TENM3: variants seen among roughly 807,000 people sequenced by gnomAD.
TENM3 encodes teneurin-3.
In TENM3, 63 loss-of-function variants were observed where a neutral mutation model predicts 255.1. The ratio of observed to expected loss-of-function variants is 0.25; its 90% CI spans 0.20 to 0.30. TENM3 has a LOEUF of 0.30. Ranked by LOEUF, TENM3 falls within the 10% of genes least tolerant of loss-of-function variation. The pLI is 1.00. For synonymous variants in TENM3, 1,306 were observed against 1,322.3 expected, an observed-to-expected ratio of 0.99 and a Z score of 0.27; for missense variants, 2,929 against 3,461.1, an observed-to-expected ratio of 0.85 and a Z score of 3.86.
the TENM3 span, among the ~76,000 whole-genome samples, chr4:181,894,443 T>A: frequency 1.6e-4 from 25 of 152,206 alleles, no homozygotes; most frequent in East Asian, 4.2e-3. Context: ...CCAAAATAGT[T>A]CTCTATTATT....
At chr4:182,476,864 T>C (rs1367167168) in intron 3 of TENM3, among the ~76,000 whole-genome samples, 2 of 152,174 alleles carry the variant, frequency 1.3e-5, no homozygotes, top group Non-Finnish European at 2.9e-5. Flanking sequence ...CATACTTGAA[T>C]CTTCAGAAAG....
intron 3 of TENM3, among the ~76,000 whole-genome samples, chr4:182,473,410 A>C (rs963323037): frequency 2.6e-5 from 4 of 152,352 alleles, no homozygotes; most frequent in African/African-American, 7.2e-5. Context: ...GCCGTGGCTC[A>C]TGCCTGTAAT....
the TENM3 span, among the ~76,000 whole-genome samples, chr4:181,460,140 A>G: frequency 8.6e-5 from 13 of 151,966 alleles, no homozygotes; most frequent in Non-Finnish European, 1.8e-4. Context: ...TAGAAATACA[A>G]TTGACATTTG....
intron 1 of TENM3, among the ~76,000 whole-genome samples, chr4:182,217,587 C>G (rs575665253): frequency 2.6e-5 from 4 of 152,066 alleles, no homozygotes; most frequent in African/African-American, 9.7e-5. Flanking sequence ...TTCGCATAAC[C>G]CTTCTGTGAG....
chr4:181,972,452 A>AAC, the TENM3 span, among the ~76,000 whole-genome samples: 1 of 151,612 alleles, frequency 6.6e-6, no homozygotes, highest in African/African-American at 2.4e-5. Flanking sequence ...AAAAAAAAAA[A>AAC]AAAATTCAAA....
intron 3 of TENM3, among the ~76,000 whole-genome samples, chr4:182,437,378 G>A (rs1467334238): frequency 2.0e-5 from 3 of 152,172 alleles, no homozygotes; most frequent in East Asian, 1.9e-4. Flanking sequence ...GCCAGCCATC[G>A]TTGCTCACTC....
chr4:182,003,109 T>C, the TENM3 span, among the ~76,000 whole-genome samples: 2 of 152,142 alleles, frequency 1.3e-5, no homozygotes, highest in East Asian at 1.9e-4. Flanking sequence ...ATGCACAGCA[T>C]GCAGGTAAGT....
the TENM3 span, among the ~76,000 whole-genome samples, chr4:181,459,838 T>A: frequency 2.0e-5 from 3 of 151,962 alleles, no homozygotes; most frequent in Non-Finnish European, 4.4e-5. Flanking sequence ...AATCTTCTTT[T>A]TAACCTCAAA....
the TENM3 span, among the ~76,000 whole-genome samples, chr4:181,471,535 A>G: frequency 2.0e-5 from 3 of 152,280 alleles, no homozygotes; most frequent in South Asian, 2.1e-4. Flanking sequence ...AGAGAAAGAA[A>G]GAAACCAATA....
chr4:182,567,574 G>A (rs115729409), intron 3 of TENM3, among the ~76,000 whole-genome samples: 195 of 152,014 alleles, frequency 1.3e-3, no homozygotes, highest in African/African-American at 4.5e-3. Flanking sequence ...AATATATCTG[G>A]CATGGTCTTA....
chr4:182,762,440 C>T (rs566493403), intron 22 of TENM3, among the ~76,000 whole-genome samples: 2 of 108,910 alleles, frequency 1.8e-5, no homozygotes, highest in Admixed American at 1.8e-4. Context: ...CCATTTAAAA[C>T]GATTGATAAT....
intron 3 of TENM3, among the ~76,000 whole-genome samples, chr4:182,354,878 G>A (rs1001960709): frequency 6.6e-6 from 1 of 152,144 alleles, no homozygotes; most frequent in African/African-American, 2.4e-5. Flanking sequence ...GTAACTTATT[G>A]AATAGATTTC....
intron 1 of TENM3, among the ~76,000 whole-genome samples, chr4:182,171,879 G>A (rs894968859): frequency 6.6e-6 from 1 of 151,636 alleles, no homozygotes; most frequent in African/African-American, 2.4e-5. Flanking sequence ...GGTTTACTAC[G>A]AATATATAGA....
At chr4:182,512,494 T>C (rs1737510823) in intron 3 of TENM3, among the ~76,000 whole-genome samples, 2 of 152,198 alleles carry the variant, frequency 1.3e-5, no homozygotes, top group African/African-American at 4.8e-5. Flanking sequence ...CACATTACCT[T>C]ACCAAAATAG....
chr4:181,986,803 T>C, the TENM3 span, among the ~76,000 whole-genome samples: 14 of 152,214 alleles, frequency 9.2e-5, no homozygotes, highest in South Asian at 2.9e-3. Context: ...GGAAATTATA[T>C]GCAGCCATTA....
chr4:182,601,768 A>G (rs1025104857), intron 4 of TENM3, among the ~76,000 whole-genome samples: 3 of 152,224 alleles, frequency 2.0e-5, no homozygotes, highest in Admixed American at 6.5e-5. Flanking sequence ...GTTTTTCCCT[A>G]CAATGAACTG....
chr4:181,555,593 G>A, the TENM3 span, among the ~76,000 whole-genome samples: 8 of 152,064 alleles, frequency 5.3e-5, no homozygotes, highest in African/African-American at 9.7e-5. Flanking sequence ...ATTAATCAAC[G>A]TTGTAACAAG....
the TENM3 span, among the ~76,000 whole-genome samples, chr4:181,755,500 TA>T: frequency 1.3e-5 from 2 of 152,128 alleles, no homozygotes; most frequent in African/African-American, 4.8e-5. Flanking sequence ...CCAATTAATT[TA>T]AAAATCTGAG....
chr4:182,232,226 C>T (rs1756628192), intron 1 of TENM3, among the ~76,000 whole-genome samples: 1 of 152,174 alleles, frequency 6.6e-6, no homozygotes. Context: ...AGGGCCGTAA[C>T]TCTCACTTCT....
Sources: allele counts gnomAD v4.1 joint callset (sites outside exome capture counted in the v4.1 genomes callset), GRCh38; gene constraint gnomAD v4.1.1; transcripts MANE v1.5; gene names NCBI Gene and HGNC (gene_info 2026-07-23, HGNC 2026-07-21).